The following SUSD4 variants were observed in gnomAD, a reference collection of about 807,000 sequenced individuals.
SUSD4 encodes sushi domain containing 4.
In SUSD4, 41 loss-of-function variants were observed where a neutral mutation model predicts 50.5. The observed-to-expected ratio is 0.81, with a 90% confidence interval of 0.63 to 1.05. The LOEUF is 1.05. SUSD4 is among the 50% of genes least tolerant of loss of function. SUSD4 has a pLI of 0.00. For synonymous variants in SUSD4, 257 were observed against 257.3 expected (o/e 1.00, Z 0.01); for missense variants, 580 against 634.7 (o/e 0.91, Z 0.93).
At chr1:223,338,962 G>A (rs1398694687) in intron 2 of SUSD4, among the ~76,000 whole-genome samples, 8 of 152,184 alleles carry the variant, frequency 5.3e-5, no homozygotes, top group Admixed American at 5.2e-4. Context: ...CAACTCACAA[G>A]GGGAGATGAG....
Position 223,286,029 on chromosome 1 carries a change from A to G in SUSD4, c.361+6410T>C, listed in dbSNP as rs192489802. ...AAAGTCCGGGGAAAAAATCAGCTGAAGGAACTCAGTGTGAATATCCATGGG... is the reference window on the plus strand; with the variant it reads ...AAAGTCCGGGGAAAAAATCAGCTGAGGGAACTCAGTGTGAATATCCATGGG... On this transcript the variant is annotated intron_variant, in intron 3 of 8. Coordinates refer to ENST00000366878, the MANE Select transcript of SUSD4 (RefSeq NM_017982.4). Among the ~76,000 whole-genome samples the G allele has an allele frequency of 1.0e-3, 153 of 152,364 alleles. 2 individuals are homozygous for G. The highest frequency in any genetic ancestry group is 3.7e-3 in the African/African-American group (152 of 41,592).
chr1:223,289,641 G>C (rs1057016937), intron 3 of SUSD4, among the ~76,000 whole-genome samples: 4 of 152,152 alleles, frequency 2.6e-5, no homozygotes, highest in Non-Finnish European at 5.9e-5. Context: ...CAAGCCCGGG[G>C]GCTGCAACAG....
At position 223,332,665 on chromosome 1, in the gene SUSD4, C is replaced by T. The variant is rs61838232; in HGVS notation, c.148+30613G>A. On this transcript the variant is annotated intron_variant, in intron 2 of 8. Coordinates refer to ENST00000366878, the MANE Select transcript of SUSD4 (RefSeq NM_017982.4). The surrounding 1 kb of genome is among the most constrained non-coding windows in gnomAD (Gnocchi z 4.0). Reference sequence around the variant, plus strand: ...GTAATTCTGCAATTCTCAGTGACTGCGGGTAGCCGTGGGGAGACAGGCATC... The same window carrying T: ...GTAATTCTGCAATTCTCAGTGACTGTGGGTAGCCGTGGGGAGACAGGCATC... 0.13 allele frequency among the ~76,000 whole-genome samples: 19,907 copies of T among 152,082 alleles called. 2,296 individuals carry two copies. Among genetic ancestry groups the T allele is most frequent in the African/African-American group, 0.31 (12,835 of 41,416 alleles).
chr1:223,267,163 C>A (rs1431066100), intron 4 of SUSD4, among the ~76,000 whole-genome samples: 1 of 152,186 alleles, frequency 6.6e-6, no homozygotes, highest in Admixed American at 6.5e-5. Flanking sequence ...GAAAGAGCAG[C>A]AGGAAAGCCT....
At chr1:223,257,782 G>A (rs557119255) in intron 5 of SUSD4, among the ~76,000 whole-genome samples, 2 of 152,296 alleles carry the variant, frequency 1.3e-5, no homozygotes, top group East Asian at 1.9e-4. Context: ...GAGACCCTGC[G>A]TCTCCCCCAC....
intron 2 of SUSD4, among the ~76,000 whole-genome samples, chr1:223,359,938 G>GA (rs1668880356): frequency 6.6e-6 from 1 of 152,142 alleles, no homozygotes; most frequent in Non-Finnish European, 1.5e-5. Flanking sequence ...TCAGGACGGG[G>GA]TAGGCACTCA....
At chr1:223,363,244 C>A (rs1454141568) in intron 2 of SUSD4, 34 bp downstream of exon 2, 14 of 1,530,196 alleles carry the variant, frequency 9.1e-6, no homozygotes, top group Non-Finnish European at 1.2e-5. Context: ...TCTGGGCCAT[C>A]CCCAGGCCCT....
At chr1:223,348,248 A>ACTGTTTTTGC in intron 2 of SUSD4, among the ~76,000 whole-genome samples, 1 of 152,334 alleles carries the variant, frequency 6.6e-6, no homozygotes, top group East Asian at 1.9e-4. Flanking sequence ...AGACAAAAGC[A>ACTGTTTTTGC]CTGTTTTTGC....
intron 5 of SUSD4, chr1:223,234,814 C>T (rs540125020): frequency 4.9e-5 from 59 of 1,200,770 alleles, no homozygotes; most frequent in Non-Finnish European, 5.8e-5. Context: ...AAGAGGCCAA[C>T]GTTTCTAACA....
intron 2 of SUSD4, among the ~76,000 whole-genome samples, chr1:223,293,130 G>A (rs546072336): frequency 7.9e-5 from 12 of 152,160 alleles, no homozygotes; most frequent in Admixed American, 3.3e-4. Flanking sequence ...ACTGGAAGAC[G>A]GCAGCGTGTG....
intron 2 of SUSD4, among the ~76,000 whole-genome samples, chr1:223,353,764 GC>G (rs1028130757): frequency 3.5e-4 from 53 of 152,176 alleles, no homozygotes; most frequent in African/African-American, 1.2e-3. Context: ...CAGGGATGAC[GC>G]CCCCTGGCCA....
At chr1:223,316,191 C>G (rs1024970045) in intron 2 of SUSD4, among the ~76,000 whole-genome samples, 40 of 151,926 alleles carry the variant, frequency 2.6e-4, no homozygotes, top group African/African-American at 8.0e-4. Context: ...TTGGGAAAAT[C>G]TTAAGCACCC....
intron 5 of SUSD4, among the ~76,000 whole-genome samples, chr1:223,246,195 C>T (rs1014763296): frequency 2.0e-5 from 3 of 152,092 alleles, no homozygotes; most frequent in Non-Finnish European, 2.9e-5. Context: ...GAGACTAGGG[C>T]GCATCATGGA....
At chr1:223,242,501 A>G (rs1042774881) in intron 5 of SUSD4, among the ~76,000 whole-genome samples, 1 of 152,114 alleles carries the variant, frequency 6.6e-6, no homozygotes, top group Non-Finnish European at 1.5e-5. Context: ...CATGCTCCCA[A>G]TGTCCCTGGA....
At chr1:223,304,337 G>A (rs566960770) in intron 2 of SUSD4, among the ~76,000 whole-genome samples, 2 of 152,246 alleles carry the variant, frequency 1.3e-5, no homozygotes, top group South Asian at 2.1e-4. Context: ...AATCCTGCAT[G>A]CAATTTTGTA....
chr1:223,343,164 G>C (rs1265832229), intron 2 of SUSD4, among the ~76,000 whole-genome samples: 2 of 152,082 alleles, frequency 1.3e-5, no homozygotes, highest in East Asian at 3.9e-4. Context: ...CTCTGTGCTG[G>C]CTGTTCCCTC....
chr1:223,266,702 G>A (rs775748164), intron 4 of SUSD4, among the ~76,000 whole-genome samples: 2 of 152,268 alleles, frequency 1.3e-5, no homozygotes, highest in Admixed American at 6.5e-5. Flanking sequence ...AGATAATAGA[G>A]AGAGGCCTCC....
At chr1:223,310,281 G>A (rs1313929657) in intron 2 of SUSD4, among the ~76,000 whole-genome samples, 1 of 152,122 alleles carries the variant, frequency 6.6e-6, no homozygotes, top group African/African-American at 2.4e-5. Flanking sequence ...CTGCAGCAAG[G>A]ATGTGGACTC....
rs1055532376 is a variant in SUSD4, at chr1:223,240,172, T to C, written c.725-10784A>G. 4.6e-5 allele frequency among the ~76,000 whole-genome samples: 7 copies of C among 152,268 alleles called. No homozygotes were observed. The East Asian group carries it at 7.7e-4, about 17-fold the overall frequency. Reference sequence around the variant, plus strand: ...TATAATTCTTATCTTTGTTCCTCTGTAAGTAAGGTGTTTTTCCTTGGCTTC... The same window carrying C: ...TATAATTCTTATCTTTGTTCCTCTGCAAGTAAGGTGTTTTTCCTTGGCTTC... On this transcript the variant is annotated intron_variant, in intron 5 of 8. Coordinates refer to ENST00000366878, the MANE Select transcript of SUSD4 (RefSeq NM_017982.4).
Sources: gnomAD v4.1 joint callset for allele counts (sites outside exome capture counted in the v4.1 genomes callset) on GRCh38, gnomAD v4.1.1 for gene constraint, Gnocchi (gnomAD v3.1) non-coding constraint, MANE v1.5 for transcripts, NCBI Gene and HGNC (gene_info 2026-07-23, HGNC 2026-07-21) for gene names.